The following PPP2R2C variants were observed in gnomAD, a reference collection of about 807,000 sequenced individuals.
PPP2R2C encodes protein phosphatase 2, regulatory subunit B, gamma.
In PPP2R2C, 10 loss-of-function variants were observed where a neutral mutation model predicts 45.3. The ratio of observed to expected loss-of-function variants is 0.22; its 90% CI spans 0.14 to 0.37. The LOEUF (loss-of-function observed/expected upper bound fraction) is 0.37, where lower values mean the gene tolerates loss of function less well. Among genes scored for constraint, PPP2R2C ranks in the 10% least tolerant of loss-of-function variants. PPP2R2C has a pLI of 1.00. For missense variants in PPP2R2C, 308 were observed against 619.7 expected (o/e 0.50, Z 5.34); for synonymous variants, 257 against 245.4 (o/e 1.05, Z -0.44).
At chr4:6,380,881 C>T in intron 2 of PPP2R2C, 116 bp downstream of exon 2, 1 of 1,414,120 alleles carries the variant, frequency 7.1e-7, no homozygotes, top group Non-Finnish European at 9.3e-7. Flanking sequence ...TCCCCTCCCA[C>T]CTCTCACCGC....
rs570042942 is a variant in PPP2R2C, at chr4:6,405,951, G to A, written c.71-24857C>T. 3.3e-5 allele frequency among the ~76,000 whole-genome samples: 5 copies of A among 152,182 alleles called. No homozygotes were observed. In the South Asian group the frequency reaches 8.3e-4, roughly 25 times the overall value. ...TGTTTTGTTTCCTGGCAGCAGGGGG[G>A]TCTCTTTTTCCCTTCACTTACCTAT... On this transcript the variant is annotated intron_variant, in intron 1 of 8. Transcript: ENST00000382599.
chr4:6,488,101 T>C (rs1178259574), intron 2 of PPP2R2C, among the ~76,000 whole-genome samples: 1 of 152,210 alleles, frequency 6.6e-6, no homozygotes, highest in Non-Finnish European at 1.5e-5. Flanking sequence ...TCCATGTTGA[T>C]TGTATGTCCA....
At chr4:6,410,767 A>G (rs914488205) in intron 1 of PPP2R2C, among the ~76,000 whole-genome samples, 2 of 152,108 alleles carry the variant, frequency 1.3e-5, no homozygotes, top group African/African-American at 2.4e-5. Context: ...GTGCAGCGCC[A>G]AAGTCCTTCA....
At chr4:6,447,121 G>T (rs2108741184) in intron 1 of PPP2R2C, among the ~76,000 whole-genome samples, 1 of 152,224 alleles carries the variant, frequency 6.6e-6, no homozygotes, top group Admixed American at 6.5e-5. Flanking sequence ...AGGCCTTGGG[G>T]GTCCCTGGGG....
At chr4:6,463,403 G>A (rs1165666184) in intron 1 of PPP2R2C, among the ~76,000 whole-genome samples, 1 of 152,246 alleles carries the variant, frequency 6.6e-6, no homozygotes, top group Non-Finnish European at 1.5e-5. Context: ...GCCTGGAGGA[G>A]GCCCTTGGCC....
At chr4:6,371,033 C>T (rs1490847553) in intron 5 of PPP2R2C, among the ~76,000 whole-genome samples, 1 of 152,218 alleles carries the variant, frequency 6.6e-6, no homozygotes. Context: ...CTTCCTGATA[C>T]CCACCAAGTG....
chr4:6,362,630 G>A (rs1214896192), intron 5 of PPP2R2C, among the ~76,000 whole-genome samples: 3 of 152,198 alleles, frequency 2.0e-5, no homozygotes, highest in East Asian at 1.9e-4. Flanking sequence ...CCTTGGGCAA[G>A]GGAGCCCACC....
Position 6,493,651 on chromosome 4 carries a change from G to A in PPP2R2C, c.49+41620C>T, listed in dbSNP as rs190261660. Among the ~76,000 whole-genome samples the A allele has an allele frequency of 3.8e-4, 58 of 151,840 alleles. 1 individual carries two copies. The East Asian group carries it at 4.4e-3, about 12-fold the overall frequency. ...CAGTGCCTTCCTGAAGGAGAAGCCC[G>A]TGTCTGTAGCCAGCTCTCCACACCC... On this transcript the variant is annotated intron_variant, in intron 2 of 9. Coordinates refer to the PPP2R2C transcript ENST00000506140.
intron 2 of PPP2R2C, among the ~76,000 whole-genome samples, chr4:6,486,558 T>C (rs1279299517): frequency 6.6e-6 from 1 of 152,118 alleles, no homozygotes; most frequent in Non-Finnish European, 1.5e-5. Context: ...ATTAGGTGCA[T>C]AAGCATTAAC....
At chr4:6,516,618 A>G (rs1044249058) in intron 2 of PPP2R2C, among the ~76,000 whole-genome samples, 18 of 152,234 alleles carry the variant, frequency 1.2e-4, no homozygotes, top group African/African-American at 4.1e-4. Context: ...CGTGGCTTCT[A>G]TAAAATTCTG....
Position 6,443,669 on chromosome 4 carries a change from G to A in PPP2R2C, c.70+28491C>T, listed in dbSNP as rs182546506. On this transcript the variant is annotated intron_variant, in intron 1 of 8. Transcript: ENST00000382599. ...CAGTGACTCAGTCACTCTGAGCCTCGTGTTCCTGGTCCGTATAAACATGAT... is the reference window on the plus strand; with the variant it reads ...CAGTGACTCAGTCACTCTGAGCCTCATGTTCCTGGTCCGTATAAACATGAT... Among the ~76,000 whole-genome samples the A allele has an allele frequency of 1.4e-4, 22 of 152,296 alleles. No homozygotes were observed. In the South Asian group the frequency reaches 3.5e-3, roughly 24 times the overall value.
At chr4:6,399,402 C>A (rs916722982) in intron 1 of PPP2R2C, among the ~76,000 whole-genome samples, 2 of 152,214 alleles carry the variant, frequency 1.3e-5, no homozygotes, top group Non-Finnish European at 2.9e-5. Context: ...CCCAAGCAAT[C>A]GCATTAAAGG....
intron 1 of PPP2R2C, among the ~76,000 whole-genome samples, chr4:6,436,217 C>T (rs748869693): frequency 2.1e-4 from 32 of 152,188 alleles, no homozygotes; most frequent in Non-Finnish European, 3.2e-4. Flanking sequence ...ACAAGCCACC[C>T]AATCTATGGT....
chr4:6,433,867 CAGCTGACTCTAG>C (rs1214771195), intron 1 of PPP2R2C, among the ~76,000 whole-genome samples: 1 of 152,206 alleles, frequency 6.6e-6, no homozygotes, highest in Non-Finnish European at 1.5e-5. Flanking sequence ...CGAACTCGAA[CAGCTGACTCTAG>C]AGCTTATGGT....
intron 2 of PPP2R2C, among the ~76,000 whole-genome samples, chr4:6,492,500 G>A (rs549383579): frequency 8.5e-5 from 13 of 152,212 alleles, no homozygotes; most frequent in East Asian, 1.9e-4. Context: ...GGCCTGGAGC[G>A]CATGCTCAAG....
intron 2 of PPP2R2C, among the ~76,000 whole-genome samples, chr4:6,491,368 C>T (rs1185663513): frequency 6.6e-6 from 1 of 152,178 alleles, no homozygotes; most frequent in Admixed American, 6.5e-5. Flanking sequence ...TGGGGTATGT[C>T]ATGGTGGGCC....
rs1721051785 is a variant in PPP2R2C at position 6,456,613 on chromosome 4, T to C, written c.70+15547A>G. Among the ~76,000 whole-genome samples, 15 of 152,310 alleles carry C rather than the reference T, an allele frequency of 9.8e-5. No homozygotes were observed. The South Asian group carries it at 3.1e-3, about 32-fold the overall frequency. On this transcript the variant is annotated intron_variant, in intron 1 of 8. Coordinates refer to ENST00000382599, the MANE Select transcript of PPP2R2C (RefSeq NM_020416.4). The stretch of plus-strand genomic sequence containing the variant: ...CTCCTTCGGTCAGTTCATTCCATGA[T>C]GGATTGCTCCCGAAGCAGACAGGCT...
At chr4:6,435,699 G>C (rs1395174728) in intron 1 of PPP2R2C, among the ~76,000 whole-genome samples, 1 of 152,202 alleles carries the variant, frequency 6.6e-6, no homozygotes, top group Non-Finnish European at 1.5e-5. Context: ...GTGAGAGTCA[G>C]TTCTTTTGGC....
intron 1 of PPP2R2C, chr4:6,384,774 G>A (rs536297037): frequency 8.1e-5 from 80 of 985,442 alleles, no homozygotes; most frequent in Middle Eastern, 5.2e-4. Context: ...CAGCCCCTGC[G>A]GGAGACACTA....
Sources: gnomAD v4.1 joint callset for allele counts (sites outside exome capture counted in the v4.1 genomes callset) on GRCh38, gnomAD v4.1.1 for gene constraint, MANE v1.5 for transcripts, NCBI Gene and HGNC (gene_info 2026-07-23, HGNC 2026-07-21) for gene names.